The following ATXN10 variants were observed in gnomAD, a reference collection of about 807,000 sequenced individuals.
ATXN10 encodes ataxin-10.
In ATXN10, 28 loss-of-function variants were observed where a neutral mutation model predicts 52.9. The ratio of observed to expected loss-of-function variants is 0.53; its 90% CI spans 0.39 to 0.73. The LOEUF is 0.73. ATXN10 is among the 30% of genes least tolerant of loss of function. The pLI is 0.00. For missense variants in ATXN10, 565 were observed against 577.0 expected (o/e 0.98, Z 0.21); for synonymous variants, 226 against 221.5 (o/e 1.02, Z -0.18).
rs974617391 is a variant in ATXN10, at chr22:45,763,741, G to A, written c.1173+23203G>A. On this transcript the variant is annotated intron_variant, in intron 9 of 11. Coordinates refer to ENST00000252934, the MANE Select transcript of ATXN10 (RefSeq NM_013236.4). The surrounding 1 kb of genome is among the most constrained non-coding windows in gnomAD (Gnocchi z 6.9). ...GTTGGTTTTGTCTGCTCTGCTCTTC[G>A]CAACCCTAGAATGTAAGTACAAGGA... 3.3e-5 allele frequency among the ~76,000 whole-genome samples: 5 copies of A among 152,180 alleles called. No homozygotes were observed. Among genetic ancestry groups the A allele is most frequent in the Admixed American group, 1.3e-4 (2 of 15,284 alleles).
chr22:45,698,983 A>C (rs1035099907), intron 3 of ATXN10, among the ~76,000 whole-genome samples: 1 of 152,190 alleles, frequency 6.6e-6, no homozygotes, highest in Admixed American at 6.5e-5. Context: ...TTGTTACCAC[A>C]CTTGAGGTAA....
At position 45,744,752 on chromosome 22, in the gene ATXN10, A is replaced by G. The variant is rs1050191249; in HGVS notation, c.1173+4214A>G. 9 of 152,330 alleles carry G rather than the reference A, an allele frequency of 5.9e-5. No homozygotes were observed. The highest frequency in any genetic ancestry group is 2.2e-4 in the African/African-American group (9 of 41,574). The allele number at this position is 152,330 out of a possible 1,614,324, so 9.4% of individuals were successfully genotyped here. A position where few individuals can be genotyped will look rare whatever the true frequency, so the allele number is the denominator to read the frequency against. ...GGCACTGGACTGCCAGGAGCATGGT[A>G]TCAACTGGAAGGATGGTCATCTTTC... On this transcript the variant is annotated intron_variant, in intron 9 of 11. Coordinates refer to ENST00000252934, the MANE Select transcript of ATXN10 (RefSeq NM_013236.4). This position sits in a 1 kb window ranked among gnomAD's most constrained non-coding sequence, Gnocchi z 4.9.
Position 45,732,176 on chromosome 22 carries a change from G to T in ATXN10, c.894+2586G>T, listed in dbSNP as rs1925112412. Among the ~76,000 whole-genome samples the T allele has an allele frequency of 6.6e-6, 1 of 152,180 alleles. No individual in the cohort carries two copies. Among genetic ancestry groups the T allele is most frequent in the Non-Finnish European group, 1.5e-5 (1 of 68,044 alleles). Reference sequence around the variant, plus strand: ...AATGGAATGGAAAGTTGTAGACTGGGAACAGTGGCTCATGCCCGTAATCCC... The same window carrying T: ...AATGGAATGGAAAGTTGTAGACTGGTAACAGTGGCTCATGCCCGTAATCCC... On this transcript the variant is annotated intron_variant, in intron 7 of 11. Coordinates refer to ENST00000252934, the MANE Select transcript of ATXN10 (RefSeq NM_013236.4). The surrounding 1 kb of genome is among the most constrained non-coding windows in gnomAD (Gnocchi z 4.5).
At position 45,783,513 on chromosome 22, in the gene ATXN10, CCT is replaced by C. The variant is rs1927220693; in HGVS notation, c.1174-23445_1174-23444del. 6.6e-6 allele frequency among the ~76,000 whole-genome samples: 1 copy of C among 152,158 alleles called. No individual in the cohort carries two copies. The highest frequency in any genetic ancestry group is 6.5e-5 in the Admixed American group (1 of 15,280). The stretch of plus-strand genomic sequence containing the variant: ...GGTAAGCTTGGCCTTCAGGGCTGCC[CCT>C]GATTGGACCTGCCTGGCCGGCTCAG... On this transcript the variant is annotated intron_variant, in intron 9 of 11. Coordinates refer to ENST00000252934, the MANE Select transcript of ATXN10 (RefSeq NM_013236.4). The surrounding 1 kb of genome is among the most constrained non-coding windows in gnomAD (Gnocchi z 5.0).
At chr22:45,831,657 G>C (rs1045403070) in intron 10 of ATXN10, among the ~76,000 whole-genome samples, 3 of 152,190 alleles carry the variant, frequency 2.0e-5, no homozygotes, top group Admixed American at 6.5e-5. Context: ...TAGGCAAATG[G>C]TTTTATAACT....
At position 45,786,231 on chromosome 22, in the gene ATXN10, G is replaced by T. The variant is rs1927318419; in HGVS notation, c.1174-20728G>T. ...TTTTGTACTTCCGGGTACTTTAAGA[G>T]CCTCTGCCATTACTATTCTTGAAAA... On this transcript the variant is annotated intron_variant, in intron 9 of 11. Transcript: ENST00000252934. This position sits in a 1 kb window ranked among gnomAD's most constrained non-coding sequence, Gnocchi z 4.1. Among the ~76,000 whole-genome samples, 1 of 152,156 alleles carries T rather than the reference G, an allele frequency of 6.6e-6. No individual in the cohort carries two copies. The highest frequency in any genetic ancestry group is 2.4e-5 in the African/African-American group (1 of 41,442).
chr22:45,788,282 G>A lies in ATXN10; in HGVS notation c.1174-18677G>A, dbSNP rs183353826. ...TCTCTAAGTGCCTCCCGCGAAATAT[G>A]CCCAAACTGTGCCCTTGAGTCCCGC... On this transcript the variant is annotated intron_variant, in intron 9 of 11. Transcript: ENST00000252934. Among the ~76,000 whole-genome samples, 8 of 152,122 alleles carry A rather than the reference G, an allele frequency of 5.3e-5. No individual in the cohort carries two copies. The East Asian group carries it at 9.6e-4, about 18-fold the overall frequency.
In ATXN10 at chr22:45,733,930, A is replaced by T. The variant is rs566859907; in HGVS notation, c.894+4340A>T. On this transcript the variant is annotated intron_variant, in intron 7 of 11. Transcript: ENST00000252934. This position sits in a 1 kb window ranked among gnomAD's most constrained non-coding sequence, Gnocchi z 4.4. ...CACTATTCTTCAACTTGCTGTTTTT[A>T]CTTATGATGTAACTTGTACATCTTT... Among the ~76,000 whole-genome samples, 84 of 150,022 alleles carry T rather than the reference A, an allele frequency of 5.6e-4. No individual in the cohort carries two copies. Among genetic ancestry groups the T allele is most frequent in the Non-Finnish European group, 1.1e-3 (72 of 67,530 alleles).
chr22:45,827,129 CCACACACACACA>C (rs57068887), intron 10 of ATXN10, among the ~76,000 whole-genome samples: 10,207 of 146,208 alleles, frequency 0.07, 418 homozygotes, highest in African/African-American at 0.11. Flanking sequence ...CCCATGGTAA[CCACACACACACA>C]CACACACACA....
In ATXN10 at chr22:45,688,746, C is replaced by T. The variant is rs368756549; in HGVS notation, c.117-966C>T. On this transcript the variant is annotated intron_variant, in intron 1 of 11. Transcript: ENST00000252934. The surrounding 1 kb of genome is among the most constrained non-coding windows in gnomAD (Gnocchi z 4.0). Reference sequence around the variant, plus strand: ...AAGGTAGGGCACTGTGAATCTACAGCGAGAGCAGAAGGAGAAAATTCATAT... The same window carrying T: ...AAGGTAGGGCACTGTGAATCTACAGTGAGAGCAGAAGGAGAAAATTCATAT... 6.6e-6 allele frequency among the ~76,000 whole-genome samples: 1 copy of T among 152,146 alleles called. No homozygotes were observed. The highest frequency in any genetic ancestry group is 2.4e-5 in the African/African-American group (1 of 41,426).
intron 9 of ATXN10, among the ~76,000 whole-genome samples, chr22:45,760,767 C>A (rs1210265022): frequency 6.6e-6 from 1 of 152,062 alleles, no homozygotes; most frequent in Admixed American, 6.5e-5. Context: ...GGCCACACAG[C>A]TGTTAAGTGG....
chr22:45,813,082 G>A (rs1293181299), intron 10 of ATXN10, among the ~76,000 whole-genome samples: 1 of 152,188 alleles, frequency 6.6e-6, no homozygotes, highest in East Asian at 1.9e-4. Flanking sequence ...TCAGGGACAC[G>A]AGCCCAACTA....
At chr22:45,692,718 A>G (rs1352250696) in intron 2 of ATXN10, among the ~76,000 whole-genome samples, 1 of 152,178 alleles carries the variant, frequency 6.6e-6, no homozygotes, top group Non-Finnish European at 1.5e-5. Flanking sequence ...CCAAGAATGC[A>G]TGGAATGGGG....
chr22:45,675,471 AG>A (rs1922646983), intron 1 of ATXN10: 1 of 152,310 alleles, frequency 6.6e-6, no homozygotes, highest in Non-Finnish European at 1.5e-5. Context: ...GGTCATAAAA[AG>A]CATCGTAGTT....
At position 45,718,387 on chromosome 22, in the gene ATXN10, A is replaced by G; in HGVS notation, c.648-26A>G. On this transcript the variant is annotated intron_variant, in intron 5 of 11. Transcript: ENST00000252934. This position sits in a 1 kb window ranked among gnomAD's most constrained non-coding sequence, Gnocchi z 4.4. ...CTCTTTTACTATGTTTCAAGTAACC[A>G]AACTTTCCTCCTCTTTTTTCCCTAG... The G allele has an allele frequency of 2.5e-6, 4 of 1,584,364 alleles. No individual in the cohort carries two copies. Among genetic ancestry groups the G allele is most frequent in the Non-Finnish European group, 3.5e-6 (4 of 1,152,938 alleles).
chr22:45,692,114 A>G (rs1923405865), intron 2 of ATXN10, among the ~76,000 whole-genome samples: 1 of 152,236 alleles, frequency 6.6e-6, no homozygotes, highest in Non-Finnish European at 1.5e-5. Context: ...TGCTCAGTAA[A>G]CATTAAATGT....
chr22:45,679,755 T>G lies in ATXN10; in HGVS notation c.116+7576T>G, dbSNP rs1415294290. On this transcript the variant is annotated intron_variant, in intron 1 of 11. Coordinates refer to ENST00000252934, the MANE Select transcript of ATXN10 (RefSeq NM_013236.4). ...CATATTTTAGAGTGTGCTGGCAATT[T>G]CCTTTATTTTTACCTATGCCATGAG... The G allele has an allele frequency of 1.3e-4, 20 of 152,346 alleles. 1 individual carries two copies. The allele number at this position is 152,346 out of a possible 1,614,324, so 9.4% of individuals were successfully genotyped here.
intron 1 of ATXN10, 154 bp downstream of exon 1, chr22:45,672,333 G>A (rs377225881): frequency 2.4e-6 from 2 of 834,006 alleles, no homozygotes; most frequent in East Asian, 5.1e-5. Context: ...CAGGCCTCCC[G>A]ACTCCCAGGC....
intron 9 of ATXN10, among the ~76,000 whole-genome samples, chr22:45,801,485 C>T (rs1927929697): frequency 6.6e-6 from 1 of 152,188 alleles, no homozygotes; most frequent in Non-Finnish European, 1.5e-5. Flanking sequence ...TGGCACAAAA[C>T]ACCATGGAAA....
Sources: gnomAD v4.1 joint callset for allele counts (sites outside exome capture counted in the v4.1 genomes callset) on GRCh38, gnomAD v4.1.1 for gene constraint, Gnocchi (gnomAD v3.1) non-coding constraint, MANE v1.5 for transcripts, NCBI Gene and HGNC (gene_info 2026-07-23, HGNC 2026-07-21) for gene names.